Variants in ASTN2 observed in about 807,000 individuals in gnomAD.
ASTN2 encodes astrotactin-2.
ASTN2 carries 54 observed loss-of-function variants against 139.8 expected under a neutral mutation model. The ratio of observed to expected loss-of-function variants is 0.39; its 90% CI spans 0.31 to 0.48. The LOEUF is 0.48. Among genes scored for constraint, ASTN2 ranks in the 20% least tolerant of loss-of-function variants. The pLI, the probability that ASTN2 is intolerant of heterozygous loss-of-function variation, is 0.95. For missense variants in ASTN2, 1,565 were observed against 1,725.1 expected (o/e 0.91, Z 1.64); for synonymous variants, 756 against 719.5 (o/e 1.05, Z -0.81).
chr9:117,349,294 T>G (rs1189264956), intron 1 of ASTN2, among the ~76,000 whole-genome samples: 2 of 152,236 alleles, frequency 1.3e-5, no homozygotes, highest in Admixed American at 6.5e-5. Flanking sequence ...AGTCATTGAT[T>G]CCAGTTTGTT....
chr9:116,908,511 C>T (rs188974044), intron 10 of ASTN2, among the ~76,000 whole-genome samples: 1 of 152,352 alleles, frequency 6.6e-6, no homozygotes, highest in African/African-American at 2.4e-5. Flanking sequence ...CCACCACCAT[C>T]ATTAGCCTGG....
chr9:117,032,491 AAGGAACTACT>A (rs755529604), intron 6 of ASTN2, among the ~76,000 whole-genome samples: 7 of 152,158 alleles, frequency 4.6e-5, no homozygotes, highest in Non-Finnish European at 7.4e-5. Flanking sequence ...CAGGATGTCC[AAGGAACTACT>A]CGTTTTAAAT....
chr9:116,650,137 C>T (rs1857827646), intron 17 of ASTN2, among the ~76,000 whole-genome samples: 1 of 152,100 alleles, frequency 6.6e-6, no homozygotes, highest in Non-Finnish European at 1.5e-5. Flanking sequence ...CAGTGGTCTA[C>T]CAGTGGAGGC....
chr9:116,585,717 A>G (rs1854119291), intron 19 of ASTN2: 1 of 152,232 alleles, frequency 6.6e-6, no homozygotes, highest in Non-Finnish European at 1.5e-5. Flanking sequence ...TAAGAATCCT[A>G]GAAGAAAACC....
intron 20 of ASTN2, among the ~76,000 whole-genome samples, chr9:116,452,072 T>G (rs1848193603): frequency 6.6e-6 from 1 of 152,184 alleles, no homozygotes; most frequent in African/African-American, 2.4e-5. Context: ...AATTGGAAGA[T>G]GTTCACATTT....
intron 3 of ASTN2, among the ~76,000 whole-genome samples, chr9:117,205,536 A>G (rs971651622): frequency 1.1e-4 from 17 of 152,254 alleles, no homozygotes; most frequent in African/African-American, 2.9e-4. Flanking sequence ...CATCTACATT[A>G]TCACTCTACT....
intron 11 of ASTN2, among the ~76,000 whole-genome samples, chr9:116,832,947 TATTTA>T (rs1477554680): frequency 6.6e-6 from 1 of 151,800 alleles, no homozygotes; most frequent in Non-Finnish European, 1.5e-5. Flanking sequence ...TTGTTTTATT[TATTTA>T]TTTATTTATT....
chr9:117,394,328 T>C (rs1258105074), intron 1 of ASTN2, among the ~76,000 whole-genome samples: 1 of 152,200 alleles, frequency 6.6e-6, no homozygotes, highest in African/African-American at 2.4e-5. Context: ...ATGTGGCTAT[T>C]ACTTAAATTT....
chr9:116,936,900 G>T lies in ASTN2; in HGVS notation c.1889+38308C>A, dbSNP rs143976193. Among the ~76,000 whole-genome samples, 27 of 152,292 alleles carry T rather than the reference G, an allele frequency of 1.8e-4. No individual in the cohort carries two copies. In the East Asian group the frequency reaches 4.3e-3, roughly 24 times the overall value. ...CAGAGCCCTGTCTAGCTCCTTAGGGGCTGGACAAATTGTTAGATGTGAGAG... is the reference window on the plus strand; with the variant it reads ...CAGAGCCCTGTCTAGCTCCTTAGGGTCTGGACAAATTGTTAGATGTGAGAG... On this transcript the variant is annotated intron_variant, in intron 10 of 22. Transcript: ENST00000313400.
At chr9:116,859,499 T>G (rs1832823063) in intron 11 of ASTN2, among the ~76,000 whole-genome samples, 2 of 152,220 alleles carry the variant, frequency 1.3e-5, no homozygotes, top group African/African-American at 4.8e-5. Context: ...TAATCATCAT[T>G]ATAATGACAA....
At chr9:117,310,633 G>A (rs1827944586) in intron 1 of ASTN2, among the ~76,000 whole-genome samples, 1 of 152,056 alleles carries the variant, frequency 6.6e-6, no homozygotes, top group South Asian at 2.1e-4. Context: ...TGTTGTTATT[G>A]TTTGTTTGTT....
chr9:117,113,928 T>C (rs1183881120), intron 4 of ASTN2, among the ~76,000 whole-genome samples: 1 of 152,194 alleles, frequency 6.6e-6, no homozygotes, highest in African/African-American at 2.4e-5. Context: ...TGGTCACTGG[T>C]GTATACATCT....
chr9:116,588,379 A>G (rs1854244827), intron 19 of ASTN2, among the ~76,000 whole-genome samples: 1 of 152,224 alleles, frequency 6.6e-6, no homozygotes, highest in Non-Finnish European at 1.5e-5. Context: ...GCAGATTGAC[A>G]GACCTGGGAA....
intron 11 of ASTN2, among the ~76,000 whole-genome samples, chr9:116,861,206 G>A (rs73658704): frequency 0.021 from 2,631 of 127,758 alleles, 75 homozygotes; most frequent in African/African-American, 0.075. Flanking sequence ...AGAGAGACAA[G>A]CCCAAGCTAC....
At chr9:117,086,686 C>A (rs2132735020) in intron 5 of ASTN2, among the ~76,000 whole-genome samples, 1 of 152,308 alleles carries the variant, frequency 6.6e-6, no homozygotes, top group African/African-American at 2.4e-5. Context: ...GCTTTCTCCC[C>A]TGGCTTTCCA....
chr9:116,619,262 T>C (rs917162040), intron 18 of ASTN2, among the ~76,000 whole-genome samples: 2 of 152,074 alleles, frequency 1.3e-5, no homozygotes, highest in Non-Finnish European at 2.9e-5. Context: ...GTCACACCAC[T>C]TCTCCCTCTT....
chr9:116,895,332 A>C (rs1833856011), intron 10 of ASTN2, among the ~76,000 whole-genome samples: 1 of 152,180 alleles, frequency 6.6e-6, no homozygotes, highest in African/African-American at 2.4e-5. Flanking sequence ...TGTCTATGCA[A>C]ATATTCCAAA....
In ASTN2 at chr9:116,820,396, A is replaced by G. The variant is rs1296661024; in HGVS notation, c.2207+221T>C. Among the ~76,000 whole-genome samples the G allele has an allele frequency of 3.9e-5, 6 of 152,336 alleles. No individual in the cohort carries two copies. The East Asian group carries it at 1.2e-3, about 29-fold the overall frequency. On this transcript the variant is annotated intron_variant, in intron 12 of 22. Coordinates refer to ENST00000313400, the MANE Select transcript of ASTN2 (RefSeq NM_001365068.1). ...GGCATGGGTTATATTTATTACATTT[A>G]TTAACCCAATCTTTATTTTTCTCAT... is the stretch of plus-strand genomic sequence containing the variant.
intron 5 of ASTN2, among the ~76,000 whole-genome samples, chr9:117,094,715 A>G (rs1828796950): frequency 6.6e-6 from 1 of 152,176 alleles, no homozygotes; most frequent in African/African-American, 2.4e-5. Context: ...TCAGGGAAAG[A>G]TGCCAGAGGT....
Sources: gnomAD v4.1 joint callset for allele counts (sites outside exome capture counted in the v4.1 genomes callset) on GRCh38, gnomAD v4.1.1 for gene constraint, MANE v1.5 for transcripts, NCBI Gene and HGNC (gene_info 2026-07-23, HGNC 2026-07-21) for gene names.